Variants in RABGAP1L observed in about 807,000 individuals in gnomAD.
RABGAP1L encodes the protein RAB GTPase activating protein 1 like, also known as rab GTPase-activating protein 1-like.
In RABGAP1L, 63 loss-of-function variants were observed where a neutral mutation model predicts 137.7. The observed-to-expected ratio is 0.46, with a 90% CI of 0.37 to 0.56. The LOEUF (loss-of-function observed/expected upper bound fraction) is 0.56, where lower values mean the gene tolerates loss of function less well. RABGAP1L is among the 20% of genes least tolerant of loss of function. The probability of loss-of-function intolerance (pLI) is 0.00; values close to 1 mark genes in which losing one functional copy is unlikely to be tolerated. For missense variants in RABGAP1L, 1,095 were observed against 1,244.0 expected (o/e 0.88, Z 1.80); for synonymous variants, 431 against 433.7 (o/e 0.99, Z 0.08).
chr1:174,601,836 G>C (rs1670436282), intron 13 of RABGAP1L, among the ~76,000 whole-genome samples: 1 of 151,964 alleles, frequency 6.6e-6, no homozygotes, highest in Non-Finnish European at 1.5e-5. Context: ...TCTATCTCAA[G>C]TTCAAAGTTC....
At chr1:174,734,954 CTTTT>C (rs756783714) in intron 17 of RABGAP1L, among the ~76,000 whole-genome samples, 1 of 96,114 alleles carries the variant, frequency 1.0e-5, no homozygotes, top group African/African-American at 4.4e-5. Context: ...GGATCTCTCT[CTTTT>C]TTTTTTTTTT....
chr1:174,946,723 A>C (rs1018243225), intron 19 of RABGAP1L, among the ~76,000 whole-genome samples: 2 of 151,368 alleles, frequency 1.3e-5, no homozygotes, highest in Non-Finnish European at 1.5e-5. Context: ...CAACATGGTA[A>C]AACCCCATCT....
chr1:174,950,301 G>C (rs1426156496), intron 19 of RABGAP1L, among the ~76,000 whole-genome samples: 1 of 152,080 alleles, frequency 6.6e-6, no homozygotes, highest in African/African-American at 2.4e-5. Flanking sequence ...TCATTTACAG[G>C]CTCTAACATT....
intron 11 of RABGAP1L, among the ~76,000 whole-genome samples, chr1:174,321,021 A>AG (rs761751755): frequency 6.6e-6 from 1 of 152,170 alleles, no homozygotes; most frequent in Non-Finnish European, 1.5e-5. Context: ...TTTCTCAGCA[A>AG]GGAACAGCCC....
chr1:174,250,067 G>A (rs1672597534), intron 5 of RABGAP1L, among the ~76,000 whole-genome samples: 1 of 152,104 alleles, frequency 6.6e-6, no homozygotes, highest in Admixed American at 6.6e-5. Context: ...GTATATATTT[G>A]AAAACCCTCC....
At chr1:174,933,446 A>G (rs1246889861) in intron 19 of RABGAP1L, among the ~76,000 whole-genome samples, 1 of 152,150 alleles carries the variant, frequency 6.6e-6, no homozygotes, top group Admixed American at 6.5e-5. Context: ...AAGCACATGA[A>G]AAACTGCACT....
intron 19 of RABGAP1L, among the ~76,000 whole-genome samples, chr1:174,820,836 G>C (rs977630050): frequency 6.6e-6 from 1 of 151,964 alleles, no homozygotes; most frequent in African/African-American, 2.4e-5. Context: ...GGCCAACATG[G>C]TGAAAACCCG....
chr1:174,889,206 C>T (rs1558194143), intron 19 of RABGAP1L, among the ~76,000 whole-genome samples: 2 of 151,834 alleles, frequency 1.3e-5, no homozygotes, highest in East Asian at 1.9e-4. Context: ...TCACTTCAAC[C>T]TCCGCCTCCG....
At chr1:174,531,417 A>G (rs531765787) in intron 13 of RABGAP1L, among the ~76,000 whole-genome samples, 2 of 152,344 alleles carry the variant, frequency 1.3e-5, no homozygotes, top group Admixed American at 6.5e-5. Flanking sequence ...CACTTCAGCA[A>G]TAAGAATTTC....
chr1:174,969,427 C>T (rs763000251), intron 21 of RABGAP1L, 40 bp downstream of exon 21: 62 of 1,467,434 alleles, frequency 4.2e-5, no homozygotes, highest in Non-Finnish European at 5.6e-5. Context: ...TTCCTCAGGG[C>T]AAAGACCGAT....
intron 14 of RABGAP1L, among the ~76,000 whole-genome samples, chr1:174,644,551 A>T (rs560348729): frequency 1.3e-5 from 2 of 152,228 alleles, no homozygotes; most frequent in South Asian, 4.1e-4. Flanking sequence ...AGAAAAAAAA[A>T]ACTAACCTGC....
intron 19 of RABGAP1L, among the ~76,000 whole-genome samples, chr1:174,866,812 CTG>C (rs1651332541): frequency 6.6e-6 from 1 of 151,826 alleles, no homozygotes; most frequent in East Asian, 1.9e-4. Flanking sequence ...ACTTGGGAGA[CTG>C]AGAGAGGAGG....
chr1:174,873,875 A>G (rs1652619921), intron 19 of RABGAP1L, among the ~76,000 whole-genome samples: 1 of 152,172 alleles, frequency 6.6e-6, no homozygotes, highest in African/African-American at 2.4e-5. Flanking sequence ...CCATAATGCA[A>G]CTACTTTGCT....
At chr1:174,465,041 T>G (rs1657130404) in intron 13 of RABGAP1L, among the ~76,000 whole-genome samples, 1 of 152,176 alleles carries the variant, frequency 6.6e-6, no homozygotes, top group Non-Finnish European at 1.5e-5. Flanking sequence ...GTCCACCATT[T>G]GATCCCATGT....
chr1:174,189,922 G>C (rs1219962266), intron 1 of RABGAP1L, among the ~76,000 whole-genome samples: 1 of 152,170 alleles, frequency 6.6e-6, no homozygotes, highest in Non-Finnish European at 1.5e-5. Flanking sequence ...AAAAGGAAGA[G>C]AGACCTGAGC....
chr1:174,250,567 C>G lies in RABGAP1L; in HGVS notation c.810C>G (p.Asp270Glu). The change falls in exon 6 of 26, where the codon GAC (aspartate) becomes GAG (glutamate). Residue 270 changes from aspartate to glutamate, a missense_variant. Asp to Glu is a conservative substitution (Grantham distance 45). Transcript: ENST00000681986. ...DVKDSVIPTP[D>E]SDVFTFSVSL... Reference sequence around the variant, plus strand: ...AAGACTCAGTTATTCCTACCCCCGACAGTGATGTGTTTACCTTCAGTGTCT... The same window carrying G: ...AAGACTCAGTTATTCCTACCCCCGAGAGTGATGTGTTTACCTTCAGTGTCT... 6.2e-7 allele frequency: 1 copy of G among 1,613,842 alleles called. No individual in the cohort carries two copies. The highest frequency in any genetic ancestry group is 8.5e-7 in the Non-Finnish European group (1 of 1,179,858).
At chr1:174,693,875 G>A (rs752735745) in intron 15 of RABGAP1L, among the ~76,000 whole-genome samples, 23 of 152,150 alleles carry the variant, frequency 1.5e-4, no homozygotes, top group Non-Finnish European at 2.9e-4. Flanking sequence ...TTAAGTACAT[G>A]ATATAATATC....
intron 13 of RABGAP1L, among the ~76,000 whole-genome samples, chr1:174,498,739 G>A (rs1263908115): frequency 6.7e-6 from 1 of 150,154 alleles, no homozygotes; most frequent in Non-Finnish European, 1.5e-5. Context: ...TTGAACTCGC[G>A]ACCTCAAGTG....
chr1:174,772,493 G>A (rs1686191807), intron 18 of RABGAP1L, among the ~76,000 whole-genome samples: 1 of 146,192 alleles, frequency 6.8e-6, no homozygotes, highest in Non-Finnish European at 1.5e-5. Flanking sequence ...GCTTGAACCC[G>A]GGAGGCGGAG....
Sources: allele counts gnomAD v4.1 joint callset (sites outside exome capture counted in the v4.1 genomes callset), GRCh38; gene constraint gnomAD v4.1.1; transcripts MANE v1.5; gene names NCBI Gene and HGNC (gene_info 2026-07-23, HGNC 2026-07-21).